The following CLIC5 variants were observed in gnomAD, a reference collection of about 807,000 sequenced individuals.
CLIC5 encodes CLIC family member 5.
A neutral mutation model predicts 24.7 loss-of-function variants in CLIC5; 20 were observed. That is an observed-to-expected ratio of 0.81 (90% confidence interval 0.57 to 1.18). CLIC5 has a LOEUF of 1.18. Among genes scored for constraint, CLIC5 ranks in the 50% most tolerant of loss-of-function variants. The probability of loss-of-function intolerance (pLI) is 0.00; values close to 1 mark genes in which losing one functional copy is unlikely to be tolerated. For synonymous variants in CLIC5, 159 were observed against 135.6 expected, an observed-to-expected ratio of 1.17 and a Z score of -1.20; for missense variants, 341 against 326.1, an observed-to-expected ratio of 1.05 and a Z score of -0.35.
intron 4 of CLIC5, among the ~76,000 whole-genome samples, chr6:45,935,378 A>G (rs74879721): frequency 0.021 from 3,193 of 152,318 alleles, 122 homozygotes; most frequent in African/African-American, 0.073. Context: ...GCTGAACTCC[A>G]CCATGTGCCA....
intron 5 of CLIC5, among the ~76,000 whole-genome samples, chr6:45,908,757 G>A (rs1241723426): frequency 6.6e-6 from 1 of 152,122 alleles, no homozygotes; most frequent in Admixed American, 6.5e-5. Flanking sequence ...ATGGTCAATG[G>A]GTGGAGTATT....
chr6:46,019,458 G>C (rs538794738), upstream of CLIC5, among the ~76,000 whole-genome samples: 1 of 151,108 alleles, frequency 6.6e-6, no homozygotes, highest in Admixed American at 6.6e-5. Flanking sequence ...AGGCCGAGGC[G>C]GATGGATCAT....
At chr6:46,114,083 T>G in the CLIC5 span, among the ~76,000 whole-genome samples, 2 of 152,166 alleles carry the variant, frequency 1.3e-5, no homozygotes, top group African/African-American at 4.8e-5. Context: ...GACATTACAC[T>G]CTGAAAGATG....
chr6:45,995,804 T>C (rs1258060226), intron 1 of CLIC5, among the ~76,000 whole-genome samples: 1 of 152,168 alleles, frequency 6.6e-6, no homozygotes, highest in African/African-American at 2.4e-5. Flanking sequence ...AATGAGACCA[T>C]GTCCTTTGCG....
At chr6:45,994,583 C>T (rs531031429) in intron 1 of CLIC5, among the ~76,000 whole-genome samples, 2 of 152,010 alleles carry the variant, frequency 1.3e-5, no homozygotes, top group East Asian at 1.9e-4. Context: ...CAAACCTGCA[C>T]GTTCTGCACG....
chr6:45,931,285 G>A (rs932624642), intron 4 of CLIC5, among the ~76,000 whole-genome samples: 4 of 152,188 alleles, frequency 2.6e-5, no homozygotes, highest in Non-Finnish European at 4.4e-5. Context: ...TGACTTATGA[G>A]GAAGAGCTAC....
intron 1 of CLIC5, among the ~76,000 whole-genome samples, chr6:46,001,601 C>A (rs866273276): frequency 1.3e-5 from 2 of 152,294 alleles, no homozygotes; most frequent in South Asian, 2.1e-4. Context: ...TGGCTTCCCC[C>A]ACAAGACCCA....
chr6:46,106,908 C>A, the CLIC5 span, among the ~76,000 whole-genome samples: 1 of 152,288 alleles, frequency 6.6e-6, no homozygotes, highest in South Asian at 2.1e-4. Flanking sequence ...GCCTTTTAAA[C>A]TAGTGAGTTT....
At chr6:46,123,253 C>T in the CLIC5 span, 5 of 152,322 alleles carry the variant, frequency 3.3e-5, no homozygotes, top group South Asian at 4.1e-4. Flanking sequence ...TGGGCTTCAT[C>T]CCTGGCATGC....
intron 5 of CLIC5, among the ~76,000 whole-genome samples, chr6:45,913,203 C>T (rs1762883930): frequency 6.6e-6 from 1 of 152,142 alleles, no homozygotes; most frequent in Non-Finnish European, 1.5e-5. Context: ...TAAAAAGTTC[C>T]TTTCCTCACA....
intron 1 of CLIC5, among the ~76,000 whole-genome samples, chr6:45,994,776 C>A (rs1457927357): frequency 3.9e-5 from 6 of 152,122 alleles, no homozygotes; most frequent in Non-Finnish European, 7.4e-5. Flanking sequence ...ACACCTTTGA[C>A]CTCCCTCCAA....
At chr6:46,066,902 C>A (rs1581915287) in intron 1 of CLIC5, among the ~76,000 whole-genome samples, 2 of 152,170 alleles carry the variant, frequency 1.3e-5, no homozygotes, top group East Asian at 3.9e-4. Context: ...CTGGATGGAG[C>A]AGAACAGCAT....
chr6:45,921,298 G>A (rs966399677), intron 4 of CLIC5, among the ~76,000 whole-genome samples: 17 of 152,138 alleles, frequency 1.1e-4, no homozygotes, highest in Admixed American at 3.9e-4. Context: ...CTGATGGGAC[G>A]CTCTCTGCTG....
upstream of CLIC5, chr6:46,015,884 C>A: frequency 9.5e-7 from 1 of 1,047,758 alleles, no homozygotes. Context: ...CCAACGCGCC[C>A]AAAATAGCCG....
intron 4 of CLIC5, among the ~76,000 whole-genome samples, chr6:45,919,468 T>C (rs1341261674): frequency 6.6e-6 from 1 of 152,174 alleles, no homozygotes; most frequent in Non-Finnish European, 1.5e-5. Context: ...GCTCTTAACA[T>C]GCTCTAGTTC....
At chr6:45,960,579 T>C (rs1304918268) in intron 1 of CLIC5, among the ~76,000 whole-genome samples, 1 of 152,156 alleles carries the variant, frequency 6.6e-6, no homozygotes, top group Non-Finnish European at 1.5e-5. Context: ...GCAACCCCCC[T>C]GGCACCTCAT....
chr6:45,985,590 G>T (rs1013690514), intron 1 of CLIC5, among the ~76,000 whole-genome samples: 5 of 152,008 alleles, frequency 3.3e-5, no homozygotes, highest in Admixed American at 2.6e-4. Context: ...GGGGCCTGGA[G>T]GCTGACAGTG....
At chr6:46,019,335 G>A (rs1007572137), upstream of CLIC5, among the ~76,000 whole-genome samples, 2 of 152,214 alleles carry the variant, frequency 1.3e-5, no homozygotes, top group African/African-American at 4.8e-5. Flanking sequence ...CAAACACAAT[G>A]TTATTGATAA....
At chr6:46,050,521 T>C (rs1400000300) in intron 1 of CLIC5, among the ~76,000 whole-genome samples, 1 of 152,184 alleles carries the variant, frequency 6.6e-6, no homozygotes, top group Non-Finnish European at 1.5e-5. Context: ...AATCATCCCA[T>C]CTTAGGGCAG....
Sources: allele counts gnomAD v4.1 joint callset (sites outside exome capture counted in the v4.1 genomes callset), GRCh38; gene constraint gnomAD v4.1.1; transcripts MANE v1.5; gene names NCBI Gene and HGNC (gene_info 2026-07-23, HGNC 2026-07-21).